Variants in RBMS3 observed in about 807,000 individuals in gnomAD.
RBMS3 encodes the protein RNA-binding motif, single-stranded-interacting protein 3.
A neutral mutation model predicts 66.8 loss-of-function variants in RBMS3; 27 were observed. The observed-to-expected ratio is 0.40, with a 90% CI of 0.30 to 0.56. RBMS3 has a LOEUF of 0.56. RBMS3 is among the 20% of genes least tolerant of loss of function. The pLI, the probability that RBMS3 is intolerant of heterozygous loss-of-function variation, is 0.40. For synonymous variants in RBMS3, 188 were observed against 183.0 expected, an observed-to-expected ratio of 1.03 and a Z score of -0.22; for missense variants, 513 against 549.5, an observed-to-expected ratio of 0.93 and a Z score of 0.66.
chr3:29,665,898 C>T (rs917343156), intron 4 of RBMS3, among the ~76,000 whole-genome samples: 1 of 152,132 alleles, frequency 6.6e-6, no homozygotes, highest in African/African-American at 2.4e-5. Context: ...CAGTTCATAT[C>T]TAATGTTTAA....
At chr3:29,713,616 C>G (rs958096599) in intron 4 of RBMS3, among the ~76,000 whole-genome samples, 1 of 152,154 alleles carries the variant, frequency 6.6e-6, no homozygotes, top group African/African-American at 2.4e-5. Context: ...TCTCCACATT[C>G]TCTTCAAACA....
At chr3:29,399,972 C>T (rs2125663134) in intron 1 of RBMS3, among the ~76,000 whole-genome samples, 1 of 152,008 alleles carries the variant, frequency 6.6e-6, no homozygotes, top group South Asian at 2.1e-4. Context: ...TATACATGTG[C>T]CAGGTTGCTG....
intron 1 of RBMS3, among the ~76,000 whole-genome samples, chr3:29,336,244 G>T (rs2035939785): frequency 6.6e-6 from 1 of 152,124 alleles, no homozygotes; most frequent in African/African-American, 2.4e-5. Flanking sequence ...ATAGGCTTAG[G>T]AGTGGATGTA....
At chr3:29,600,219 G>A (rs531871943) in intron 4 of RBMS3, among the ~76,000 whole-genome samples, 4 of 152,114 alleles carry the variant, frequency 2.6e-5, no homozygotes, top group East Asian at 1.9e-4. Flanking sequence ...ATATTTGCAC[G>A]TTTGTCCCTT....
intron 6 of RBMS3, among the ~76,000 whole-genome samples, chr3:29,795,326 T>A (rs1228205422): frequency 6.6e-6 from 1 of 152,238 alleles, no homozygotes; most frequent in Non-Finnish European, 1.5e-5. Flanking sequence ...GTATCAGAGA[T>A]ATACTCCACC....
rs566631104 is a variant in RBMS3, at chr3:29,722,231, G to T, written c.400-17489G>T. 1.4e-4 allele frequency among the ~76,000 whole-genome samples: 21 copies of T among 151,724 alleles called. No homozygotes were observed. The South Asian group carries it at 4.4e-3, about 32-fold the overall frequency. ...GTTATTTTTTTGTAATTTTAAACTTGTAAAAATGTTGCAAAAATACCATAA... is the reference window on the plus strand; with the variant it reads ...GTTATTTTTTTGTAATTTTAAACTTTTAAAAATGTTGCAAAAATACCATAA... On this transcript the variant is annotated intron_variant, in intron 4 of 14. Coordinates refer to ENST00000383767, the MANE Select transcript of RBMS3 (RefSeq NM_001003793.3).
chr3:29,659,385 T>TATTCCCCC (rs1489618804), intron 4 of RBMS3, among the ~76,000 whole-genome samples: 3 of 152,134 alleles, frequency 2.0e-5, no homozygotes, highest in Non-Finnish European at 4.4e-5. Context: ...AATAATTCCC[T>TATTCCCCC]ATTCCCCCAT....
intron 5 of RBMS3, among the ~76,000 whole-genome samples, chr3:29,758,829 C>A (rs915198940): frequency 6.6e-6 from 1 of 152,100 alleles, no homozygotes; most frequent in East Asian, 1.9e-4. Context: ...CCTGTGCATA[C>A]GTAAATCTTA....
intron 2 of RBMS3, among the ~76,000 whole-genome samples, chr3:29,469,906 T>C (rs1559386640): frequency 6.7e-6 from 1 of 148,836 alleles, no homozygotes; most frequent in Non-Finnish European, 1.5e-5. Flanking sequence ...AAAAAGCCTT[T>C]CACATATTTA....
chr3:29,853,535 G>A (rs2058994106), intron 6 of RBMS3, among the ~76,000 whole-genome samples: 1 of 149,854 alleles, frequency 6.7e-6, no homozygotes, highest in Non-Finnish European at 1.5e-5. Context: ...TGGAATGACT[G>A]GGTTTATATC....
intron 6 of RBMS3, among the ~76,000 whole-genome samples, chr3:29,809,443 C>T (rs2057662131): frequency 6.6e-6 from 1 of 151,844 alleles, no homozygotes; most frequent in Non-Finnish European, 1.5e-5. Context: ...AGCATTTGCG[C>T]ATGCACATGT....
At chr3:29,920,466 GA>G (rs993458226) in intron 10 of RBMS3, among the ~76,000 whole-genome samples, 1 of 152,066 alleles carries the variant, frequency 6.6e-6, no homozygotes, top group African/African-American at 2.4e-5. Flanking sequence ...CTGTTTTTCT[GA>G]AATTTTTGCA....
chr3:29,710,571 C>A (rs1009900628), intron 4 of RBMS3, among the ~76,000 whole-genome samples: 2 of 152,112 alleles, frequency 1.3e-5, no homozygotes, highest in Admixed American at 6.5e-5. Flanking sequence ...ATATACTGAA[C>A]GTTTATGGGT....
At chr3:29,606,767 C>G (rs2048331796) in intron 4 of RBMS3, among the ~76,000 whole-genome samples, 1 of 151,942 alleles carries the variant, frequency 6.6e-6, no homozygotes, top group Admixed American at 6.6e-5. Flanking sequence ...CTTTTATCTT[C>G]TAGTGCTCAC....
intron 2 of RBMS3, among the ~76,000 whole-genome samples, chr3:29,458,704 CTG>C (rs1321153492): frequency 6.6e-6 from 1 of 152,082 alleles, no homozygotes; most frequent in Non-Finnish European, 1.5e-5. Context: ...AGAGGGCCAA[CTG>C]TACAGAAAAA....
chr3:29,381,704 T>C (rs980190432), intron 1 of RBMS3, among the ~76,000 whole-genome samples: 2 of 152,224 alleles, frequency 1.3e-5, no homozygotes, highest in African/African-American at 4.8e-5. Flanking sequence ...CCCTGCCCTA[T>C]TGCTTTAACT....
At chr3:29,474,117 A>G (rs1352176543) in intron 2 of RBMS3, among the ~76,000 whole-genome samples, 1 of 152,234 alleles carries the variant, frequency 6.6e-6, no homozygotes, top group Non-Finnish European at 1.5e-5. Context: ...CTAATTTTTC[A>G]TCTCTGCCAA....
chr3:29,418,094 T>C (rs1372288752), intron 1 of RBMS3, among the ~76,000 whole-genome samples: 3 of 152,154 alleles, frequency 2.0e-5, no homozygotes, highest in South Asian at 2.1e-4. Flanking sequence ...GGATGAGATA[T>C]TGATTGGTCA....
At chr3:29,987,456 A>G (rs1698466325) in intron 12 of RBMS3, among the ~76,000 whole-genome samples, 1 of 152,336 alleles carries the variant, frequency 6.6e-6, no homozygotes, top group East Asian at 1.9e-4. Flanking sequence ...TTAGCAAAAA[A>G]TGATTTGGCT....
Sources: gnomAD v4.1 joint callset for allele counts (sites outside exome capture counted in the v4.1 genomes callset) on GRCh38, gnomAD v4.1.1 for gene constraint, MANE v1.5 for transcripts, NCBI Gene and HGNC (gene_info 2026-07-23, HGNC 2026-07-21) for gene names.